Variants in ZNF407 observed in about 807,000 individuals in gnomAD.
ZNF407 encodes zinc finger protein 407.
A neutral mutation model predicts 131.2 loss-of-function variants in ZNF407; 17 were observed. The ratio of observed to expected loss-of-function variants is 0.13; its 90% confidence interval spans 0.09 to 0.19. The LOEUF is 0.19. Ranked by LOEUF, ZNF407 falls within the 10% of genes least tolerant of loss-of-function variation. The pLI, the probability that ZNF407 is intolerant of heterozygous loss-of-function variation, is 1.00. For missense variants in ZNF407, 2,681 were observed against 2,830.6 expected (o/e 0.95, Z 1.20); for synonymous variants, 1,156 against 1,062.0 (o/e 1.09, Z -1.72).
intron 4 of ZNF407, among the ~76,000 whole-genome samples, chr18:74,785,904 A>G (rs986663326): frequency 1.3e-5 from 2 of 151,928 alleles, no homozygotes; most frequent in Non-Finnish European, 2.9e-5. Flanking sequence ...CTCACATGGG[A>G]CACACATGTC....
intron 3 of ZNF407, among the ~76,000 whole-genome samples, chr18:74,654,411 A>G (rs531721771): frequency 1.4e-3 from 220 of 151,966 alleles, no homozygotes; most frequent in Middle Eastern, 6.8e-3. Context: ...CATTTCTATG[A>G]AAATTCTTTC....
intron 1 of ZNF407, among the ~76,000 whole-genome samples, chr18:74,600,007 A>C (rs1568309153): frequency 6.6e-6 from 1 of 152,224 alleles, no homozygotes; most frequent in Non-Finnish European, 1.5e-5. Flanking sequence ...TTCAGGAAAC[A>C]TTTACCGCAT....
intron 8 of ZNF407, among the ~76,000 whole-genome samples, chr18:74,956,995 A>G (rs1972283191): frequency 6.6e-6 from 1 of 152,222 alleles, no homozygotes; most frequent in Non-Finnish European, 1.5e-5. Context: ...TTCTTGTAGA[A>G]AAGCTACTTG....
intron 7 of ZNF407, among the ~76,000 whole-genome samples, chr18:74,891,508 G>T (rs746290923): frequency 5.3e-5 from 8 of 152,100 alleles, no homozygotes; most frequent in Non-Finnish European, 1.0e-4. Context: ...AGTTTTATGT[G>T]AAAGGTCATC....
At chr18:74,655,662 G>A (rs1181628714) in intron 3 of ZNF407, among the ~76,000 whole-genome samples, 1 of 152,134 alleles carries the variant, frequency 6.6e-6, no homozygotes, top group African/African-American at 2.4e-5. Context: ...AGACTACTAT[G>A]TAATTTGTCT....
At chr18:74,723,905 T>A (rs1056840647) in intron 3 of ZNF407, among the ~76,000 whole-genome samples, 18 of 146,322 alleles carry the variant, frequency 1.2e-4, no homozygotes, top group African/African-American at 4.0e-4. Context: ...TAAAAAAAAA[T>A]TTGGTCCAGA....
At chr18:75,023,821 A>G (rs891476087) in intron 8 of ZNF407, among the ~76,000 whole-genome samples, 1 of 152,204 alleles carries the variant, frequency 6.6e-6, no homozygotes, top group Non-Finnish European at 1.5e-5. Flanking sequence ...TTAGATTACT[A>G]TATTTAGCTT....
chr18:74,864,861 G>A (rs1426885900), intron 4 of ZNF407, among the ~76,000 whole-genome samples: 1 of 152,182 alleles, frequency 6.6e-6, no homozygotes, highest in Non-Finnish European at 1.5e-5. Context: ...GAGAAAGCCT[G>A]TCTGGTCTCT....
intron 8 of ZNF407, among the ~76,000 whole-genome samples, chr18:74,965,210 A>G (rs982396174): frequency 1.3e-5 from 2 of 152,174 alleles, no homozygotes; most frequent in African/African-American, 2.4e-5. Flanking sequence ...ATTATGTACT[A>G]TAGTTACCCT....
intron 4 of ZNF407, among the ~76,000 whole-genome samples, chr18:74,850,754 C>T (rs750990723): frequency 5.3e-5 from 8 of 152,200 alleles, no homozygotes; most frequent in Non-Finnish European, 1.0e-4. Flanking sequence ...CAGCCCCTTA[C>T]TTGCTTGATT....
chr18:74,979,327 A>C (rs2145311698), intron 8 of ZNF407, among the ~76,000 whole-genome samples: 1 of 152,186 alleles, frequency 6.6e-6, no homozygotes, highest in East Asian at 1.9e-4. Flanking sequence ...ATATATATAT[A>C]GTCGCCCAGG....
At chr18:74,745,408 A>G (rs150231181) in intron 3 of ZNF407, among the ~76,000 whole-genome samples, 2 of 152,316 alleles carry the variant, frequency 1.3e-5, no homozygotes, top group East Asian at 3.9e-4. Context: ...TCACCTGACA[A>G]ATGTGAAGAT....
chr18:74,616,782 A>G (rs1983306753), intron 1 of ZNF407, among the ~76,000 whole-genome samples: 2 of 149,500 alleles, frequency 1.3e-5, no homozygotes, highest in Non-Finnish European at 3.0e-5. Context: ...ACACACATCC[A>G]TATCCACGCA....
chr18:75,041,706 A>G (rs528935026), intron 8 of ZNF407, among the ~76,000 whole-genome samples: 18 of 152,350 alleles, frequency 1.2e-4, no homozygotes, highest in African/African-American at 4.3e-4. Flanking sequence ...AAGGATAAGT[A>G]GAAACTAAGG....
intron 3 of ZNF407, among the ~76,000 whole-genome samples, chr18:74,669,369 G>T (rs1986051856): frequency 6.6e-6 from 1 of 152,112 alleles, no homozygotes; most frequent in Non-Finnish European, 1.5e-5. Context: ...GCTTTCCTCT[G>T]CCTCCTTCCT....
chr18:74,632,860 A>G lies in ZNF407; in HGVS notation c.1841A>G (p.His614Arg), dbSNP rs183172085. ...CACATGAAGGAAAAGCACAATATGCATTTTCTTTGCACCCCTTGTAATCTG... is the reference window on the plus strand; with the variant it reads ...CACATGAAGGAAAAGCACAATATGCGTTTTCTTTGCACCCCTTGTAATCTG... ...RDHMKEKHNM[H>R]FLCTPCNLFF... The change falls in exon 2 of 9, where the codon CAT (histidine) becomes CGT (arginine). Residue 614 changes from histidine to arginine, a missense_variant. By Grantham distance (29) the His-to-Arg change is conservative (BLOSUM62 0). Coordinates refer to ENST00000299687, the MANE Select transcript of ZNF407 (RefSeq NM_017757.3). 4.7e-5 allele frequency: 76 copies of G among 1,613,594 alleles called. No homozygotes were observed. In the African/African-American group the frequency reaches 9.7e-4, roughly 21 times the overall value.
intron 2 of ZNF407, among the ~76,000 whole-genome samples, chr18:74,637,498 T>G (rs748633748): frequency 1.1e-5 from 1 of 92,604 alleles, no homozygotes; most frequent in Non-Finnish European, 2.0e-5. Context: ...GTTAGCATAG[T>G]TTTTTTTTTT....
intron 7 of ZNF407, among the ~76,000 whole-genome samples, chr18:74,914,767 T>C (rs1971724557): frequency 6.6e-6 from 1 of 152,156 alleles, no homozygotes; most frequent in Admixed American, 6.5e-5. Context: ...GGTCGTCTGC[T>C]GCCAGGAATA....
intron 4 of ZNF407, among the ~76,000 whole-genome samples, chr18:74,819,564 C>G (rs1333392741): frequency 1.3e-5 from 2 of 152,192 alleles, no homozygotes; most frequent in East Asian, 3.9e-4. Flanking sequence ...GCTGGGTTTG[C>G]CGCTCACAGG....
Sources: gnomAD v4.1 joint callset for allele counts (sites outside exome capture counted in the v4.1 genomes callset) on GRCh38, gnomAD v4.1.1 for gene constraint, MANE v1.5 for transcripts, NCBI Gene and HGNC (gene_info 2026-07-23, HGNC 2026-07-21) for gene names.